GALNT13: variants seen among roughly 807,000 people sequenced by gnomAD.
GALNT13 encodes polypeptide N-acetylgalactosaminyltransferase 13.
Under a neutral mutation model 64.2 loss-of-function variants are expected in GALNT13, and 28 were observed. The observed-to-expected ratio is 0.44, with a 90% CI of 0.32 to 0.60. The LOEUF (loss-of-function observed/expected upper bound fraction) is 0.60. Among genes scored for constraint, GALNT13 ranks in the 20% least tolerant of loss-of-function variants. The pLI is 0.05. For synonymous variants in GALNT13, 214 were observed against 224.6 expected, an observed-to-expected ratio of 0.95 and a Z score of 0.42; for missense variants, 577 against 669.8, an observed-to-expected ratio of 0.86 and a Z score of 1.53.
the GALNT13 span, among the ~76,000 whole-genome samples, chr2:153,382,466 C>T: frequency 6.6e-6 from 1 of 152,028 alleles, no homozygotes; most frequent in Admixed American, 6.6e-5. Context: ...AGGATTATGA[C>T]CTCCAGCTCC....
At chr2:153,188,346 A>C in the GALNT13 span, among the ~76,000 whole-genome samples, 2 of 152,306 alleles carry the variant, frequency 1.3e-5, no homozygotes, top group Middle Eastern at 3.4e-3. Context: ...CAATAAGTAC[A>C]GTACTTTATA....
At chr2:153,286,776 TGAAA>T in the GALNT13 span, among the ~76,000 whole-genome samples, 3 of 151,942 alleles carry the variant, frequency 2.0e-5, no homozygotes, top group Non-Finnish European at 4.4e-5. Flanking sequence ...GTGTAAAGAG[TGAAA>T]GAAAGTCATG....
At chr2:153,220,407 A>G in the GALNT13 span, among the ~76,000 whole-genome samples, 723 of 152,338 alleles carry the variant, frequency 4.7e-3, 6 homozygotes, top group African/African-American at 0.017. Flanking sequence ...AAGAGGCAAA[A>G]TGGTGAAGTA....
intron 9 of GALNT13, among the ~76,000 whole-genome samples, chr2:154,386,463 AAAG>A (rs1225051112): frequency 6.6e-6 from 1 of 152,018 alleles, no homozygotes; most frequent in Non-Finnish European, 1.5e-5. Context: ...GTTTCCTGAG[AAAG>A]TACTCAGATA....
the GALNT13 span, among the ~76,000 whole-genome samples, chr2:153,277,908 C>CTTTTCTTT: frequency 1.6e-4 from 11 of 69,586 alleles, no homozygotes; most frequent in Admixed American, 5.8e-4. Flanking sequence ...TTTCTTTTTT[C>CTTTTCTTT]TTTTGTTTTC....
At chr2:154,242,292 T>G in intron 5 of GALNT13, 96 bp downstream of exon 5, 3 of 991,836 alleles carry the variant, frequency 3.0e-6, no homozygotes, top group Non-Finnish European at 4.5e-6. Context: ...AAAAGATAAC[T>G]AGGCAATGAT....
chr2:153,098,808 T>C, the GALNT13 span, among the ~76,000 whole-genome samples: 9 of 152,116 alleles, frequency 5.9e-5, no homozygotes, highest in Non-Finnish European at 1.0e-4. Context: ...CAAAGAGTCA[T>C]AGAATGTGTG....
At chr2:154,345,082 G>A (rs563041673) in intron 9 of GALNT13, among the ~76,000 whole-genome samples, 167 of 152,080 alleles carry the variant, frequency 1.1e-3, no homozygotes, top group Non-Finnish European at 1.8e-3. Flanking sequence ...AGACAACAAG[G>A]ACAGAAATTC....
At chr2:153,198,853 G>A in the GALNT13 span, among the ~76,000 whole-genome samples, 1 of 152,138 alleles carries the variant, frequency 6.6e-6, no homozygotes, top group Non-Finnish European at 1.5e-5. Flanking sequence ...GAGCAACATT[G>A]CCCTTTGATC....
rs201784818 is a variant in GALNT13, at chr2:154,148,079, C to T, written c.311+7574C>T. Among the ~76,000 whole-genome samples the T allele has an allele frequency of 1.1e-4, 17 of 152,140 alleles. No individual in the cohort carries two copies. In the East Asian group the frequency reaches 2.9e-3, roughly 26 times the overall value. On this transcript the variant is annotated intron_variant, in intron 4 of 12. Coordinates refer to ENST00000392825, the MANE Select transcript of GALNT13 (RefSeq NM_052917.4). ...GCTATCCCTCCACCCTCCACCTTCC[C>T]CCCTCCCCACAACAGTCCCCAGAGT...
At chr2:153,893,339 A>G (rs1687677674) in intron 1 of GALNT13, among the ~76,000 whole-genome samples, 1 of 152,058 alleles carries the variant, frequency 6.6e-6, no homozygotes, top group Admixed American at 6.6e-5. Context: ...TAGCTGTGTA[A>G]TTAGTTCTTA....
the GALNT13 span, among the ~76,000 whole-genome samples, chr2:153,345,679 CTT>C: frequency 1.1e-3 from 153 of 138,352 alleles, 4 homozygotes; most frequent in African/African-American, 3.2e-3. Context: ...TTCTTTCTTT[CTT>C]TCTTTCTTTC....
the GALNT13 span, among the ~76,000 whole-genome samples, chr2:153,188,558 C>A: frequency 6.6e-6 from 1 of 152,136 alleles, no homozygotes; most frequent in Non-Finnish European, 1.5e-5. Context: ...ACTACCCAAT[C>A]AGACACGTCC....
chr2:153,111,694 C>T, the GALNT13 span, among the ~76,000 whole-genome samples: 2 of 151,982 alleles, frequency 1.3e-5, no homozygotes, highest in South Asian at 4.1e-4. Flanking sequence ...AAATTACTCT[C>T]TAAAAGTAAG....
the GALNT13 span, among the ~76,000 whole-genome samples, chr2:153,759,658 A>G: frequency 1.8e-4 from 27 of 152,224 alleles, no homozygotes; most frequent in Admixed American, 1.4e-3. Flanking sequence ...GATAAATTCT[A>G]CTTGATCATA....
At chr2:153,496,803 T>C in the GALNT13 span, among the ~76,000 whole-genome samples, 3 of 151,826 alleles carry the variant, frequency 2.0e-5, no homozygotes, top group East Asian at 1.9e-4. Context: ...CTGGCCAACA[T>C]AGTGAAACCC....
chr2:154,001,922 T>C (rs1695936386), intron 3 of GALNT13, among the ~76,000 whole-genome samples: 1 of 152,134 alleles, frequency 6.6e-6, no homozygotes, highest in Admixed American at 6.5e-5. Context: ...ATAGCTTTTC[T>C]GGGTATAATA....
intron 9 of GALNT13, among the ~76,000 whole-genome samples, chr2:154,375,383 G>A (rs1697929080): frequency 6.6e-6 from 1 of 152,110 alleles, no homozygotes; most frequent in South Asian, 2.1e-4. Context: ...AACACAGTAA[G>A]TCTTCACTTT....
the GALNT13 span, among the ~76,000 whole-genome samples, chr2:153,568,772 C>T: frequency 6.6e-6 from 1 of 152,142 alleles, no homozygotes; most frequent in African/African-American, 2.4e-5. Flanking sequence ...GCCCTTAGCA[C>T]ATACATACCT....
Sources: allele counts gnomAD v4.1 joint callset (sites outside exome capture counted in the v4.1 genomes callset), GRCh38; gene constraint gnomAD v4.1.1; transcripts MANE v1.5; gene names NCBI Gene and HGNC (gene_info 2026-07-23, HGNC 2026-07-21).